The following SLMAP variants were observed in gnomAD, a reference collection of about 807,000 sequenced individuals.
SLMAP encodes the protein sarcolemma associated protein, also known as sarcolemmal membrane-associated protein.
SLMAP carries 44 observed loss-of-function variants against 128.8 expected under a neutral mutation model. The ratio of observed to expected loss-of-function variants is 0.34; its 90% confidence interval spans 0.27 to 0.44. SLMAP has a LOEUF of 0.44. SLMAP is among the 20% of genes least tolerant of loss of function. The pLI is 1.00. For missense variants in SLMAP, 787 were observed against 985.3 expected, an observed-to-expected ratio of 0.80 and a Z score of 2.69; for synonymous variants, 327 against 348.8, an observed-to-expected ratio of 0.94 and a Z score of 0.70.
intron 14 of SLMAP, among the ~76,000 whole-genome samples, chr3:57,884,782 C>T (rs1243859192): frequency 6.6e-6 from 1 of 151,854 alleles, no homozygotes; most frequent in Non-Finnish European, 1.5e-5. Context: ...GCACTCCAGC[C>T]TGGGTGATAG....
chr3:57,822,404 A>G (rs1032012799), intron 2 of SLMAP, among the ~76,000 whole-genome samples: 12 of 152,136 alleles, frequency 7.9e-5, no homozygotes, highest in African/African-American at 2.9e-4. Flanking sequence ...TGCCACGGAA[A>G]AAGGTAGAGT....
chr3:57,837,728 G>A (rs2093707639), intron 3 of SLMAP, among the ~76,000 whole-genome samples: 1 of 152,062 alleles, frequency 6.6e-6, no homozygotes, highest in Non-Finnish European at 1.5e-5. Flanking sequence ...ATCCTTTTTT[G>A]TAACACTTGC....
At chr3:57,776,506 T>TTCTCTCTCTC (rs397932536) in intron 2 of SLMAP, among the ~76,000 whole-genome samples, 9 of 129,042 alleles carry the variant, frequency 7.0e-5, no homozygotes, top group East Asian at 4.6e-4. Flanking sequence ...GATTTGTCCC[T>TTCTCTCTCTC]TCTCTCTCTC....
At chr3:57,856,316 C>T (rs534664108) in intron 6 of SLMAP, among the ~76,000 whole-genome samples, 42 of 152,286 alleles carry the variant, frequency 2.8e-4, no homozygotes, top group African/African-American at 7.7e-4. Context: ...AGTTTTAAAA[C>T]CTTTTTGACT....
In SLMAP at chr3:57,890,075, G is replaced by A. The variant is rs148417939; in HGVS notation, c.1335G>A (p.Ala445=). The change falls in exon 15 of 25, where the codon GCG becomes GCA. Residue 445 remains alanine (A), a synonymous_variant. Coordinates refer to ENST00000671191, the MANE Select transcript of SLMAP (RefSeq NM_001377540.1). ...TCGTCGAAGGGCATCTAACCAAAGC[G>A]GTAGAAGAAACAAAGCTTTCAAAAG... ...KLIVEGHLTK[A]VEETKLSKEN... 8.7e-5 allele frequency: 140 copies of A among 1,613,686 alleles called. No individual in the cohort carries two copies. Among genetic ancestry groups the A allele is most frequent in the Middle Eastern group, 1.6e-4 (1 of 6,084 alleles).
At chr3:57,793,842 T>C (rs1309587057) in intron 2 of SLMAP, among the ~76,000 whole-genome samples, 1 of 151,534 alleles carries the variant, frequency 6.6e-6, no homozygotes. Flanking sequence ...GGAGGATCAC[T>C]TCAGCCCAGA....
chr3:57,817,156 T>C (rs1190219780), intron 2 of SLMAP, among the ~76,000 whole-genome samples: 2 of 152,098 alleles, frequency 1.3e-5, no homozygotes, highest in African/African-American at 4.8e-5. Context: ...GTGGAGGGTG[T>C]AGAGTGTGGA....
chr3:57,885,760 G>T (rs11718096), intron 14 of SLMAP, among the ~76,000 whole-genome samples: 40,947 of 131,878 alleles, frequency 0.31, 6,505 homozygotes, highest in East Asian at 0.48. Flanking sequence ...TTTGCTTTTC[G>T]GTTTTTGGTT....
intron 2 of SLMAP, among the ~76,000 whole-genome samples, chr3:57,780,238 C>G (rs2082752081): frequency 6.6e-6 from 1 of 151,678 alleles, no homozygotes. Flanking sequence ...CCTTGACCTC[C>G]TGGGCTCAAG....
chr3:57,882,573 C>T (rs1470081180), intron 14 of SLMAP, among the ~76,000 whole-genome samples: 3 of 152,182 alleles, frequency 2.0e-5, no homozygotes, highest in Non-Finnish European at 4.4e-5. Flanking sequence ...GGTCTCTTGG[C>T]AGCTACTCAG....
At chr3:57,846,399 G>A (rs1020435222) in intron 4 of SLMAP, among the ~76,000 whole-genome samples, 1 of 152,040 alleles carries the variant, frequency 6.6e-6, no homozygotes, top group African/African-American at 2.4e-5. Context: ...GTAGAGAAGA[G>A]GAATAGTAGT....
chr3:57,801,197 G>A (rs2088247631), intron 2 of SLMAP: 1 of 153,056 alleles, frequency 6.5e-6, no homozygotes, highest in Admixed American at 6.5e-5. Context: ...GTCATTTTTG[G>A]TGACAATATA....
intron 14 of SLMAP, among the ~76,000 whole-genome samples, chr3:57,878,787 A>G (rs2095660576): frequency 6.6e-6 from 1 of 152,218 alleles, no homozygotes; most frequent in Non-Finnish European, 1.5e-5. Flanking sequence ...TGTCAAGAAC[A>G]TTATTTTGAT....
At chr3:57,781,062 G>C (rs1158312992) in intron 2 of SLMAP, among the ~76,000 whole-genome samples, 1 of 150,592 alleles carries the variant, frequency 6.6e-6, no homozygotes, top group East Asian at 1.9e-4. Context: ...AAAATAATAA[G>C]ATACAAAAAA....
intron 23 of SLMAP, 75 bp downstream of exon 23, chr3:57,923,098 T>C: frequency 7.3e-7 from 1 of 1,377,452 alleles, no homozygotes; most frequent in African/African-American, 1.4e-5. Context: ...CAGAGGACTT[T>C]ATCACTGATT....
At chr3:57,867,207 A>G (rs981899598) in intron 13 of SLMAP, among the ~76,000 whole-genome samples, 2 of 152,094 alleles carry the variant, frequency 1.3e-5, no homozygotes, top group Non-Finnish European at 2.9e-5. Context: ...AAAACAGTCA[A>G]TCAGTCATCA....
At chr3:57,838,757 G>A (rs1316536117) in intron 3 of SLMAP, among the ~76,000 whole-genome samples, 1 of 152,166 alleles carries the variant, frequency 6.6e-6, no homozygotes. Context: ...TTACAGAAGG[G>A]ACAGCCTGTG....
chr3:57,762,216 A>G (rs2153430016), intron 2 of SLMAP, among the ~76,000 whole-genome samples: 1 of 151,606 alleles, frequency 6.6e-6, no homozygotes, highest in South Asian at 2.1e-4. Flanking sequence ...AAAATACAAA[A>G]AATTAGCTGG....
intron 4 of SLMAP, among the ~76,000 whole-genome samples, chr3:57,844,396 C>CA (rs994081762): frequency 6.1e-5 from 9 of 147,882 alleles, no homozygotes; most frequent in Admixed American, 2.0e-4. Context: ...TCTGTCTCCA[C>CA]AAAAAAAAAT....
Sources: allele counts gnomAD v4.1 joint callset (sites outside exome capture counted in the v4.1 genomes callset), GRCh38; gene constraint gnomAD v4.1.1; transcripts MANE v1.5; gene names NCBI Gene and HGNC (gene_info 2026-07-23, HGNC 2026-07-21).